DOCK1: variants seen among roughly 807,000 people sequenced by gnomAD.
DOCK1 encodes dedicator of cytokinesis protein 1.
DOCK1 carries 138 observed loss-of-function variants against 262.7 expected under a neutral mutation model. The ratio of observed to expected loss-of-function variants is 0.53; its 90% CI spans 0.46 to 0.61. DOCK1 has a LOEUF of 0.61. DOCK1 is among the 20% of genes least tolerant of loss of function. DOCK1 has a pLI of 0.00. For synonymous variants in DOCK1, 866 were observed against 867.4 expected, an observed-to-expected ratio of 1.00 and a Z score of 0.03; for missense variants, 1,908 against 2,370.7, an observed-to-expected ratio of 0.80 and a Z score of 4.05.
intron 29 of DOCK1, among the ~76,000 whole-genome samples, chr10:127,271,202 C>G (rs183930268): frequency 9.8e-4 from 149 of 152,088 alleles, no homozygotes; most frequent in African/African-American, 3.4e-3. Flanking sequence ...GCAGAAAGAA[C>G]CTGAATGGAC....
chr10:127,321,101 C>T (rs185464805), intron 29 of DOCK1, among the ~76,000 whole-genome samples: 17 of 152,108 alleles, frequency 1.1e-4, no homozygotes, highest in African/African-American at 3.4e-4. Context: ...CTGTTGATGG[C>T]GCCCTTGCTG....
At chr10:127,198,641 A>G (rs2057321104) in intron 27 of DOCK1, among the ~76,000 whole-genome samples, 1 of 152,234 alleles carries the variant, frequency 6.6e-6, no homozygotes, top group Admixed American at 6.5e-5. Context: ...AGAGGAGAGT[A>G]TAACGGAATT....
At chr10:126,964,613 G>T (rs2037522338) in intron 1 of DOCK1, among the ~76,000 whole-genome samples, 1 of 152,258 alleles carries the variant, frequency 6.6e-6, no homozygotes, top group Admixed American at 6.5e-5. Flanking sequence ...GACTTTAAAA[G>T]AATTAATTAA....
chr10:127,079,715 G>GAGGT (rs1354402597), intron 23 of DOCK1, among the ~76,000 whole-genome samples: 1 of 152,174 alleles, frequency 6.6e-6, no homozygotes, highest in African/African-American at 2.4e-5. Context: ...CGGATCACCT[G>GAGGT]AGGTCAGGAG....
At chr10:127,147,684 A>T (rs2052022330) in intron 27 of DOCK1, among the ~76,000 whole-genome samples, 1 of 152,046 alleles carries the variant, frequency 6.6e-6, no homozygotes, top group South Asian at 2.1e-4. Flanking sequence ...AATACCCTTT[A>T]GGACCCCAAA....
chr10:127,233,837 A>T (rs1206872900), intron 27 of DOCK1, among the ~76,000 whole-genome samples: 2 of 152,212 alleles, frequency 1.3e-5, no homozygotes, highest in East Asian at 3.8e-4. Context: ...TGAAGGTACC[A>T]TTCTTCCCTT....
In DOCK1 at chr10:127,091,220, C is replaced by T. The variant is rs192560835; in HGVS notation, c.2446-15011C>T. Among the ~76,000 whole-genome samples the T allele has an allele frequency of 3.5e-4, 54 of 152,138 alleles. No homozygotes were observed. In the East Asian group the frequency reaches 7.2e-3, roughly 20 times the overall value. On this transcript the variant is annotated intron_variant, in intron 23 of 51. Transcript: ENST00000623213. ...GGATGGTCTCGATCTCCTGACCTCG[C>T]GATCCGCCCGACTTGGCCTCCCAAA...
rs778505383 is a variant in DOCK1, at chr10:127,426,103, A to G, written c.4914+92A>G. The stretch of plus-strand genomic sequence containing the variant: ...ACAAGCTTCCAGAGCAGAGGAACTC[A>G]CATGTACACATGGTGCCCGCTTAGG... On this transcript the variant is annotated intron_variant, in intron 47 of 51. Transcript: ENST00000623213. The G allele has an allele frequency of 1.9e-6, 3 of 1,572,980 alleles. No individual in the cohort carries two copies. The African/African-American group carries it at 4.0e-5, about 21-fold the overall frequency.
Position 127,000,162 on chromosome 10 carries a change from A to G in DOCK1, c.850-10A>G. 5 of 1,613,366 alleles carry G rather than the reference A, an allele frequency of 3.1e-6. No individual in the cohort carries two copies. The highest frequency in any genetic ancestry group is 4.2e-6 in the Non-Finnish European group (5 of 1,179,508). On this transcript the variant is annotated splice_polypyrimidine_tract_variant and intron_variant, in intron 9 of 51. Transcript: ENST00000623213. ...TCTCCAAAATAATTTATGGAAACTA[A>G]TATTTCTAGGACCTCGGAAGCAAAG...
intron 27 of DOCK1, among the ~76,000 whole-genome samples, chr10:127,177,497 T>C (rs1447269954): frequency 6.6e-6 from 1 of 152,200 alleles, no homozygotes; most frequent in Non-Finnish European, 1.5e-5. Context: ...CTTCGCCTTT[T>C]CCCCCCTTGT....
At chr10:127,044,929 G>A (rs2044244578) in intron 21 of DOCK1, among the ~76,000 whole-genome samples, 1 of 152,126 alleles carries the variant, frequency 6.6e-6, no homozygotes, top group African/African-American at 2.4e-5. Context: ...GGGTGGAGTG[G>A]CTCACACCTG....
chr10:127,299,010 TCCTGTCA>T (rs1311029986), intron 29 of DOCK1, among the ~76,000 whole-genome samples: 1 of 152,214 alleles, frequency 6.6e-6, no homozygotes, highest in Non-Finnish European at 1.5e-5. Context: ...AAGTCCTTAT[TCCTGTCA>T]CCTGTGATTG....
Position 127,286,338 on chromosome 10 carries a change from G to A in DOCK1, c.3044+28909G>A, listed in dbSNP as rs143877107. On this transcript the variant is annotated intron_variant, in intron 29 of 51. Transcript: ENST00000623213. ...AGTTGATTTCTTTCAGCACTTCAAAGATAATTATTGCACCATCTTTTAGCT... is the reference window on the plus strand; with the variant it reads ...AGTTGATTTCTTTCAGCACTTCAAAAATAATTATTGCACCATCTTTTAGCT... Among the ~76,000 whole-genome samples the A allele has an allele frequency of 3.1e-3, 465 of 152,282 alleles. 7 individuals carry two copies. The highest frequency in any genetic ancestry group is 0.011 in the African/African-American group (444 of 41,552).
chr10:126,998,201 C>G lies in DOCK1; in HGVS notation c.719C>G (p.Ala240Gly). Residue 240 changes from alanine to glycine, a missense_variant, in exon 8 of 52, where the codon GCT (alanine) becomes GGT (glycine). Coordinates refer to ENST00000623213, the MANE Select transcript of DOCK1 (RefSeq NM_001290223.2). ...KNVVCKIGED[A>G]EVLMSLYDPV... ...GTGGTTTGTAAAATAGGAGAAGATG[C>G]TGAAGTCCTCATGTCTCTATATGAC... The G allele has an allele frequency of 6.2e-7, 1 of 1,614,010 alleles. No homozygotes were observed. The highest frequency in any genetic ancestry group is 8.5e-7 in the Non-Finnish European group (1 of 1,179,888).
At chr10:127,134,454 T>C (rs1304038311) in intron 27 of DOCK1, among the ~76,000 whole-genome samples, 1 of 152,202 alleles carries the variant, frequency 6.6e-6, no homozygotes, top group Non-Finnish European at 1.5e-5. Context: ...TCCCATACTT[T>C]GAGCCCCTCC....
chr10:127,400,800 C>G (rs11813148), intron 38 of DOCK1, among the ~76,000 whole-genome samples: 5,046 of 152,248 alleles, frequency 0.033, 280 homozygotes, highest in African/African-American at 0.11. Context: ...CCCAGTCATG[C>G]CTCTCCTGTA....
At chr10:127,212,781 C>T (rs193067110) in intron 27 of DOCK1, among the ~76,000 whole-genome samples, 97 of 131,308 alleles carry the variant, frequency 7.4e-4, no homozygotes, top group African/African-American at 2.6e-3. Context: ...ATTTTGTCAA[C>T]ATTTTTTCAT....
intron 28 of DOCK1, among the ~76,000 whole-genome samples, chr10:127,256,065 T>G (rs2059817516): frequency 6.6e-6 from 1 of 152,188 alleles, no homozygotes; most frequent in Non-Finnish European, 1.5e-5. Flanking sequence ...CAACTTGATT[T>G]TGTCTGGGTC....
Position 127,437,210 on chromosome 10 carries a change from A to AT in DOCK1, c.5061-1815dup, listed in dbSNP as rs763443502. ...CTCTCTTATGGAGATGTTAACAGCT[A>AT]TTGATAATCAGTGCTTAGATTCAAT... On this transcript the variant is annotated intron_variant, in intron 48 of 51. Transcript: ENST00000623213. This position sits in a 1 kb window ranked among gnomAD's most constrained non-coding sequence, Gnocchi z 4.4. Among the ~76,000 whole-genome samples, 33 of 152,202 alleles carry AT rather than the reference A, an allele frequency of 2.2e-4. No homozygotes were observed. The highest frequency in any genetic ancestry group is 4.7e-4 in the Non-Finnish European group (32 of 68,040).
Sources: gnomAD v4.1 joint callset for allele counts (sites outside exome capture counted in the v4.1 genomes callset) on GRCh38, gnomAD v4.1.1 for gene constraint, Gnocchi (gnomAD v3.1) non-coding constraint, MANE v1.5 for transcripts, NCBI Gene and HGNC (gene_info 2026-07-23, HGNC 2026-07-21) for gene names.